IQUB: variants seen among roughly 807,000 people sequenced by gnomAD.
IQUB encodes the protein IQ motif and ubiquitin domain containing.
IQUB carries 86 observed loss-of-function variants against 86.4 expected under a neutral mutation model. The ratio of observed to expected loss-of-function variants is 1.00; its 90% CI spans 0.84 to 1.19. The LOEUF (loss-of-function observed/expected upper bound fraction) is 1.19. IQUB is among the 50% of genes most tolerant of loss of function. The pLI, the probability that IQUB is intolerant of heterozygous loss-of-function variation, is 0.00. For missense variants in IQUB, 946 were observed against 916.9 expected (o/e 1.03, Z -0.41); for synonymous variants, 289 against 304.5 (o/e 0.95, Z 0.53).
intron 1 of IQUB, among the ~76,000 whole-genome samples, chr7:123,527,194 G>A (rs1482835774): frequency 1.3e-5 from 2 of 151,968 alleles, no homozygotes; most frequent in African/African-American, 4.8e-5. Flanking sequence ...TTCTTTATTG[G>A]TTATTGTAGT....
At chr7:123,476,943 C>G (rs564524187) in intron 8 of IQUB, among the ~76,000 whole-genome samples, 3 of 152,158 alleles carry the variant, frequency 2.0e-5, no homozygotes, top group East Asian at 3.9e-4. Flanking sequence ...AAAGAGGACA[C>G]AAACAAATGG....
At chr7:123,470,364 A>G (rs1282863405) in intron 8 of IQUB, among the ~76,000 whole-genome samples, 2 of 152,204 alleles carry the variant, frequency 1.3e-5, no homozygotes, top group African/African-American at 4.8e-5. Context: ...CAATTCTTCA[A>G]AAACATGTTG....
intron 6 of IQUB, 115 bp downstream of exon 6, chr7:123,502,482 C>T: frequency 1.2e-6 from 1 of 839,178 alleles, no homozygotes. Context: ...AAATATGACC[C>T]ATACTCATGA....
chr7:123,461,254 G>C, intron 11 of IQUB, 103 bp downstream of exon 11: 1 of 1,167,024 alleles, frequency 8.6e-7, no homozygotes, highest in Non-Finnish European at 1.2e-6. Context: ...GTGGAATAGA[G>C]AGTCATTAAA....
At chr7:123,510,164 T>C (rs1324270317) in intron 2 of IQUB, 129 bp from the exon 3 acceptor site, 2 of 618,786 alleles carry the variant, frequency 3.2e-6, no homozygotes, top group South Asian at 2.6e-5. Flanking sequence ...TTCTTGCTAG[T>C]GTTTCCCTGC....
At chr7:123,503,464 T>C (rs777677637) in intron 3 of IQUB, 101 bp from the exon 4 acceptor site, 12 of 675,548 alleles carry the variant, frequency 1.8e-5, no homozygotes, top group Non-Finnish European at 2.8e-5. Flanking sequence ...ATTGTATATA[T>C]TGTGTACAGC....
At chr7:123,490,222 A>C (rs1562852634) in intron 7 of IQUB, among the ~76,000 whole-genome samples, 1 of 152,104 alleles carries the variant, frequency 6.6e-6, no homozygotes, top group East Asian at 1.9e-4. Flanking sequence ...CTAAACTAAC[A>C]GTGATCAAAA....
At position 123,452,797 on chromosome 7, in the gene IQUB, C is replaced by T. The variant is rs528422915; in HGVS notation, c.2322G>A (p.Lys774=). The part of the protein sequence containing the change: ...DDGEIDEIRW[K]YHSDTTPKII... ...TCTTAGGTGTTGTGTCTGAGTGATA[C>T]TTCCATCTGATCTCATCAATTTCAC... Residue 774 remains lysine, a synonymous_variant, in exon 13 of 13, where the codon AAG becomes AAA. Transcript: ENST00000324698. The T allele has an allele frequency of 6.2e-6, 10 of 1,613,616 alleles. No individual in the cohort carries two copies. The South Asian group carries it at 8.8e-5, about 14-fold the overall frequency.
chr7:123,461,315 T>C (rs748192598), intron 11 of IQUB, 42 bp downstream of exon 11: 1 of 1,555,736 alleles, frequency 6.4e-7, no homozygotes, highest in Non-Finnish European at 8.7e-7. Context: ...ATAGCCTCCT[T>C]GACAAGCTTC....
At chr7:123,524,554 T>A (rs1797087811) in intron 1 of IQUB, among the ~76,000 whole-genome samples, 1 of 147,492 alleles carries the variant, frequency 6.8e-6, no homozygotes, top group Non-Finnish European at 1.5e-5. Context: ...TGATTTTGTA[T>A]CCTGAGACTT....
At chr7:123,484,461 G>T (rs1195350886) in intron 7 of IQUB, among the ~76,000 whole-genome samples, 1 of 82,840 alleles carries the variant, frequency 1.2e-5, no homozygotes, top group Non-Finnish European at 2.8e-5. Flanking sequence ...TGATAACTGA[G>T]ACTATTTATC....
At chr7:123,533,225 A>T (rs1240241383) in intron 1 of IQUB, among the ~76,000 whole-genome samples, 1 of 152,250 alleles carries the variant, frequency 6.6e-6, no homozygotes, top group Non-Finnish European at 1.5e-5. Context: ...GTGCTGCAAC[A>T]AACATTTTAT....
At chr7:123,461,185 A>G (rs1793961713) in intron 11 of IQUB, among the ~76,000 whole-genome samples, 172 bp downstream of exon 11, 1 of 151,786 alleles carries the variant, frequency 6.6e-6, no homozygotes, top group African/African-American at 2.4e-5. Flanking sequence ...TTATAGAGGT[A>G]TAATGGTGAG....
intron 1 of IQUB, among the ~76,000 whole-genome samples, chr7:123,523,485 G>A (rs1403472649): frequency 6.6e-6 from 1 of 151,928 alleles, no homozygotes; most frequent in Non-Finnish European, 1.5e-5. Context: ...GTGTTTTTTG[G>A]CTGCATAAAT....
Position 123,502,399 on chromosome 7 carries a change from G to A in IQUB, c.1023+198C>T, listed in dbSNP as rs1584615423. On this transcript the variant is annotated intron_variant, in intron 6 of 12. Coordinates refer to ENST00000324698, the MANE Select transcript of IQUB (RefSeq NM_178827.5). ...TGGGTTTCCCTAAGAGAAAAGGAAG[G>A]ATTAGGAGCATTTAGGATGCTGGTT... is the stretch of plus-strand genomic sequence containing the variant. 12 of 556,262 alleles carry A rather than the reference G, an allele frequency of 2.2e-5. 1 individual carries two copies. The South Asian group carries it at 2.9e-4, about 13-fold the overall frequency. The allele number at this position is 556,262 out of a possible 1,614,324, so 34.5% of individuals were successfully genotyped here.
rs1584628615 is a variant in IQUB at position 123,509,948 on chromosome 7, G to GA, written c.484dup (p.Ser162PhefsTer21). The GA allele has an allele frequency of 6.2e-7, 1 of 1,609,118 alleles. No individual in the cohort carries two copies. On this transcript the variant is annotated frameshift_variant, in exon 3 of 13. Coordinates refer to ENST00000324698, the MANE Select transcript of IQUB (RefSeq NM_178827.5). LOFTEE classifies it high-confidence loss of function. ...AGAATGTGGGATACCTAATAAGTGT[G>GA]AAAAATGGTCCTTAAGATATTTAAG... is the stretch of plus-strand genomic sequence containing the variant.
rs778783471 is a variant in IQUB, at chr7:123,461,421, A to G, written c.1943T>C (p.Leu648Pro). ...RESFLKYKCL[L>P]QQLYYTEADY... The stretch of plus-strand genomic sequence containing the variant: ...AGCTTCTGTATAGTAGAGCTGTTGA[A>G]GTAAACATTTGTACTTCAAAAATGA... The change falls in exon 11 of 13, where the codon CTT becomes CCT. Residue 648 changes from leucine to proline, a missense_variant. Leu to Pro is a moderately conservative substitution (Grantham distance 98, BLOSUM62 -3). Transcript: ENST00000324698. 5 of 1,612,136 alleles carry G rather than the reference A, an allele frequency of 3.1e-6. No homozygotes were observed. Among genetic ancestry groups the G allele is most frequent in the Admixed American group, 3.3e-5 (2 of 59,792 alleles).
chr7:123,469,867 C>A (rs1794447662), intron 8 of IQUB, among the ~76,000 whole-genome samples: 3 of 152,108 alleles, frequency 2.0e-5, no homozygotes, highest in Admixed American at 2.0e-4. Context: ...TATAAAAATA[C>A]TTCTATAAGA....
intron 1 of IQUB, among the ~76,000 whole-genome samples, chr7:123,519,559 TATC>T (rs1437476364): frequency 2.6e-5 from 4 of 152,080 alleles, no homozygotes; most frequent in African/African-American, 4.8e-5. Context: ...GAAAGACAAA[TATC>T]ACATGTTCTC....
Sources: gnomAD v4.1 joint callset for allele counts (sites outside exome capture counted in the v4.1 genomes callset) on GRCh38, gnomAD v4.1.1 for gene constraint, MANE v1.5 for transcripts, NCBI Gene and HGNC (gene_info 2026-07-23, HGNC 2026-07-21) for gene names.